The following TC2N variants were observed in gnomAD, a reference collection of about 807,000 sequenced individuals.
TC2N encodes the protein tandem C2 domains nuclear protein.
Under a neutral mutation model 61.9 loss-of-function variants are expected in TC2N, and 51 were observed. That is an observed-to-expected ratio of 0.82 (90% CI 0.66 to 1.04). TC2N has a LOEUF of 1.04. Ranked by LOEUF, TC2N falls within the 50% of genes least tolerant of loss-of-function variation. The pLI is 0.00. For synonymous variants in TC2N, 204 were observed against 192.6 expected (o/e 1.06, Z -0.49); for missense variants, 556 against 566.7 (o/e 0.98, Z 0.19).
chr14:91,824,557 C>A (rs539480852), intron 1 of TC2N, among the ~76,000 whole-genome samples: 1 of 152,334 alleles, frequency 6.6e-6, no homozygotes, highest in East Asian at 1.9e-4. Context: ...ATCCACACAT[C>A]CAATTCATCC....
chr14:91,799,089 C>A (rs1254271484), intron 5 of TC2N, 25 bp from the exon 6 acceptor site: 3 of 1,468,282 alleles, frequency 2.0e-6, no homozygotes, highest in Admixed American at 4.2e-5. Flanking sequence ...ATTCTTTAGT[C>A]AGAAATTGCA....
intron 3 of TC2N, among the ~76,000 whole-genome samples, chr14:91,806,391 G>A (rs1477155716): frequency 6.6e-6 from 1 of 152,128 alleles, no homozygotes; most frequent in Non-Finnish European, 1.5e-5. Context: ...AGGAAGATGT[G>A]GGAAAGTTAG....
At chr14:91,810,929 G>A (rs889548605) in intron 3 of TC2N, among the ~76,000 whole-genome samples, 5 of 151,528 alleles carry the variant, frequency 3.3e-5, no homozygotes, top group Non-Finnish European at 5.9e-5. Flanking sequence ...AGGTATAATC[G>A]GAATCCCAGA....
At chr14:91,824,134 G>A (rs564111852) in intron 1 of TC2N, among the ~76,000 whole-genome samples, 1 of 152,268 alleles carries the variant, frequency 6.6e-6, no homozygotes, top group Admixed American at 6.5e-5. Context: ...ATTCTAGTAT[G>A]AGGACAGATT....
intron 3 of TC2N, among the ~76,000 whole-genome samples, chr14:91,804,903 A>C (rs931421776): frequency 2.6e-5 from 4 of 152,216 alleles, no homozygotes; most frequent in Non-Finnish European, 2.9e-5. Flanking sequence ...CTTTGTAATA[A>C]ATCACTGAGC....
chr14:91,798,037 C>A lies in TC2N; in HGVS notation c.739-136G>T, dbSNP rs79880973. The A allele has an allele frequency of 5.0e-6, 3 of 598,830 alleles. No individual in the cohort carries two copies. The African/African-American group carries it at 5.8e-5, about 12-fold the overall frequency. The allele number at this position is 598,830 out of a possible 1,614,324, so 37.1% of individuals were successfully genotyped here. ...GTCTACTGAGACCTCATGTTGCATCCACATTAAGCAAATTTTGACATATAA... is the reference window on the plus strand; with the variant it reads ...GTCTACTGAGACCTCATGTTGCATCAACATTAAGCAAATTTTGACATATAA... On this transcript the variant is annotated intron_variant, in intron 7 of 11. Coordinates refer to ENST00000435962, the MANE Select transcript of TC2N (RefSeq NM_001128596.3).
chr14:91,810,605 G>A (rs1886720123), intron 3 of TC2N, among the ~76,000 whole-genome samples: 2 of 152,044 alleles, frequency 1.3e-5, no homozygotes, highest in South Asian at 4.1e-4. Context: ...AGATGATCAA[G>A]ATGCTGAAAT....
intron 6 of TC2N, 108 bp downstream of exon 6, chr14:91,798,881 T>C (rs946141066): frequency 7.4e-6 from 5 of 671,732 alleles, no homozygotes; most frequent in Non-Finnish European, 1.2e-5. Flanking sequence ...TATATCAACA[T>C]AGTAGATACA....
chr14:91,850,166 G>A (rs1407632686), intron 1 of TC2N, among the ~76,000 whole-genome samples: 1 of 134,246 alleles, frequency 7.4e-6, no homozygotes, highest in Non-Finnish European at 1.6e-5. Context: ...GCCTCCCTGA[G>A]CCTCAATCTC....
intron 1 of TC2N, among the ~76,000 whole-genome samples, chr14:91,860,525 G>A (rs1888569411): frequency 6.6e-6 from 1 of 152,146 alleles, no homozygotes. Flanking sequence ...ATCTTCATGG[G>A]CTAGTCTTCT....
chr14:91,793,611 G>C (rs1021125399), intron 8 of TC2N, among the ~76,000 whole-genome samples: 3 of 152,062 alleles, frequency 2.0e-5, no homozygotes, highest in Non-Finnish European at 2.9e-5. Context: ...CCTGTGATCA[G>C]TGATCTTTGA....
At chr14:91,799,879 C>CA (rs1319071713) in intron 5 of TC2N, among the ~76,000 whole-genome samples, 1 of 152,032 alleles carries the variant, frequency 6.6e-6, no homozygotes, top group Non-Finnish European at 1.5e-5. Context: ...AATTCCTTTT[C>CA]AAAACCAGGA....
intron 2 of TC2N, among the ~76,000 whole-genome samples, chr14:91,812,791 C>T (rs1389891119): frequency 6.6e-6 from 1 of 151,800 alleles, no homozygotes. Flanking sequence ...TTTAAAGAGT[C>T]TTATTCCCAA....
chr14:91,786,003 G>A (rs964808339), intron 10 of TC2N, among the ~76,000 whole-genome samples: 2 of 152,068 alleles, frequency 1.3e-5, no homozygotes, highest in African/African-American at 4.8e-5. Context: ...CTATCTGACT[G>A]ACACACAGTG....
intron 1 of TC2N, among the ~76,000 whole-genome samples, chr14:91,844,069 T>C (rs1888216957): frequency 6.6e-6 from 1 of 151,846 alleles, no homozygotes; most frequent in Non-Finnish European, 1.5e-5. Context: ...AAAATGCAAA[T>C]ATATTTCCAG....
intron 1 of TC2N, among the ~76,000 whole-genome samples, chr14:91,826,005 C>T (rs1378828561): frequency 6.6e-6 from 1 of 151,966 alleles, no homozygotes. Context: ...AAATCAAATT[C>T]GTTGGTCATG....
Position 91,813,717 on chromosome 14 carries a change from G to C in TC2N, c.53C>G (p.Thr18Arg), listed in dbSNP as rs1210888244. The part of the protein sequence containing the change: ...SCCGGCFYGE[T>R]EKHNFSVERD... ...ATAAAACTCACAGTTGTGTTTTTCT[G>C]TTTCACCATAGAAACATCCTCCACA... The change falls in exon 2 of 12, where the codon ACA becomes AGA. Residue 18 changes from threonine to arginine, a missense_variant. Physicochemically the swap from Thr to Arg is moderately conservative, Grantham distance 71 (BLOSUM62 -1). Coordinates refer to ENST00000435962, the MANE Select transcript of TC2N (RefSeq NM_001128596.3). 1 of 1,605,596 alleles carries C rather than the reference G, an allele frequency of 6.2e-7. No homozygotes were observed. Among genetic ancestry groups the C allele is most frequent in the Non-Finnish European group, 8.5e-7 (1 of 1,174,244 alleles).
chr14:91,812,598 T>C, intron 2 of TC2N, 53 bp from the exon 3 acceptor site: 1 of 878,762 alleles, frequency 1.1e-6, no homozygotes, highest in East Asian at 2.6e-5. Flanking sequence ...TTACATATAA[T>C]AATCTAAACC....
intron 3 of TC2N, among the ~76,000 whole-genome samples, chr14:91,802,756 T>G (rs1266547558): frequency 6.7e-6 from 1 of 149,546 alleles, no homozygotes; most frequent in East Asian, 2.0e-4. Flanking sequence ...GGGGGGGAGA[T>G]ACATCCTTTT....
Sources: allele counts gnomAD v4.1 joint callset (sites outside exome capture counted in the v4.1 genomes callset), GRCh38; gene constraint gnomAD v4.1.1; transcripts MANE v1.5; gene names NCBI Gene and HGNC (gene_info 2026-07-23, HGNC 2026-07-21).